The following ATP1B1 variants were observed in gnomAD, a reference collection of about 807,000 sequenced individuals.
The protein encoded by ATP1B1 is sodium/potassium-transporting ATPase subunit beta-1.
A neutral mutation model predicts 39.6 loss-of-function variants in ATP1B1; 3 were observed. The ratio of observed to expected loss-of-function variants is 0.08; its 90% CI spans 0.03 to 0.20. The LOEUF (loss-of-function observed/expected upper bound fraction) is 0.20, where lower values mean the gene tolerates loss of function less well. ATP1B1 is among the 10% of genes least tolerant of loss of function. The pLI, the probability that ATP1B1 is intolerant of heterozygous loss-of-function variation, is 1.00. For missense variants in ATP1B1, 216 were observed against 371.1 expected (o/e 0.58, Z 3.43); for synonymous variants, 139 against 135.0 (o/e 1.03, Z -0.20).
At chr1:169,121,711 G>A (rs1211108622) in intron 2 of ATP1B1, among the ~76,000 whole-genome samples, 1 of 152,148 alleles carries the variant, frequency 6.6e-6, no homozygotes, top group Non-Finnish European at 1.5e-5. Flanking sequence ...CACTTGCTTC[G>A]CAATCCAGGT....
chr1:169,129,068 A>G (rs537486635), intron 4 of ATP1B1, among the ~76,000 whole-genome samples: 75 of 152,340 alleles, frequency 4.9e-4, no homozygotes, highest in Middle Eastern at 6.8e-3. Context: ...TTTTCTCTAC[A>G]TATTTTTAAA....
chr1:169,109,556 G>T (rs1367962601), intron 1 of ATP1B1, among the ~76,000 whole-genome samples: 1 of 152,180 alleles, frequency 6.6e-6, no homozygotes, highest in Non-Finnish European at 1.5e-5. Context: ...TATCGTGTGG[G>T]CAGAATAGAA....
intron 2 of ATP1B1, among the ~76,000 whole-genome samples, chr1:169,119,525 C>CT (rs1367867125): frequency 6.6e-6 from 1 of 152,144 alleles, no homozygotes; most frequent in Admixed American, 6.5e-5. Context: ...TAACTAACAA[C>CT]TTTAAGAAGT....
intron 2 of ATP1B1, among the ~76,000 whole-genome samples, chr1:169,123,470 C>T (rs1307561485): frequency 6.6e-6 from 1 of 151,848 alleles, no homozygotes; most frequent in African/African-American, 2.4e-5. Context: ...TTATGGGCCC[C>T]ACACAGAGAG....
At chr1:169,110,778 G>T in intron 1 of ATP1B1, 1 of 945,150 alleles carries the variant, frequency 1.1e-6, no homozygotes, top group Non-Finnish European at 1.4e-6. Flanking sequence ...AGTGTGCTTT[G>T]TTGATAATAC....
At chr1:169,124,093 C>T (rs1302653710) in intron 2 of ATP1B1, among the ~76,000 whole-genome samples, 1 of 152,212 alleles carries the variant, frequency 6.6e-6, no homozygotes, top group Non-Finnish European at 1.5e-5. Context: ...ACTTTTCCAA[C>T]CATTGCTCCT....
In ATP1B1 at chr1:169,132,019, ATTTTTTT is replaced by A. The variant is rs34447553; in HGVS notation, c.*480_*486del. ...CAACGGGAATAAAACTGGCATGGTA[ATTTTTTT>A]TTTTTTTTTTTTTTTGTTTTTTGGC... On this transcript the variant is annotated 3_prime_UTR_variant, in exon 6 of 6. Coordinates refer to ENST00000367815, the MANE Select transcript of ATP1B1 (RefSeq NM_001677.4). 6 of 190,948 alleles carry A rather than the reference ATTTTTTT, an allele frequency of 3.1e-5. No individual in the cohort carries two copies. The highest frequency in any genetic ancestry group is 1.0e-4 in the South Asian group (2 of 19,130). The allele number at this position is 190,948 out of a possible 1,614,324, so 11.8% of individuals were successfully genotyped here. A position where few individuals can be genotyped will look rare whatever the true frequency, so the allele number is the denominator to read the frequency against.
intron 2 of ATP1B1, among the ~76,000 whole-genome samples, chr1:169,121,461 G>A (rs150435796): frequency 1.2e-3 from 185 of 152,278 alleles, no homozygotes; most frequent in African/African-American, 4.1e-3. Flanking sequence ...AGTGGAAACC[G>A]TGGACTTGAC....
intron 2 of ATP1B1, among the ~76,000 whole-genome samples, chr1:169,112,838 C>T (rs982384574): frequency 2.0e-5 from 3 of 152,088 alleles, no homozygotes; most frequent in Admixed American, 6.5e-5. Context: ...CTGTTTTCCA[C>T]AAGAGGTGGG....
At chr1:169,122,770 T>TTTTTTTTTTTA (rs71121722) in intron 2 of ATP1B1, among the ~76,000 whole-genome samples, 5 of 101,344 alleles carry the variant, frequency 4.9e-5, no homozygotes, top group African/African-American at 1.0e-4. Flanking sequence ...TTTTTTTTTT[T>TTTTTTTTTTTA]AATTGCGATA....
In ATP1B1 at chr1:169,127,510, G is replaced by A. The variant is rs538814525; in HGVS notation, c.567+102G>A. Reference sequence around the variant, plus strand: ...AAGATAGTTTTAAAGTATACTCAGTGCTGACTTTGAAACGTAGCCAGTAGA... The same window carrying A: ...AAGATAGTTTTAAAGTATACTCAGTACTGACTTTGAAACGTAGCCAGTAGA... On this transcript the variant is annotated intron_variant, in intron 4 of 5. Transcript: ENST00000367815. 3 of 1,303,542 alleles carry A rather than the reference G, an allele frequency of 2.3e-6. No homozygotes were observed. The African/African-American group carries it at 4.7e-5, about 20-fold the overall frequency. 80.7% of individuals were successfully genotyped at this position (1,303,542 alleles called of 1,614,324 possible).
rs76271197 is a variant in ATP1B1 at position 169,116,142 on chromosome 1, G to A, written c.226+4644G>A. Reference sequence around the variant, plus strand: ...ACTCAGGCTACCAAGCCCTGGCCCTGATTTGACCCTGCTTGCCTTGCTGCC... The same window carrying A: ...ACTCAGGCTACCAAGCCCTGGCCCTAATTTGACCCTGCTTGCCTTGCTGCC... On this transcript the variant is annotated intron_variant, in intron 2 of 5. Coordinates refer to ENST00000367815, the MANE Select transcript of ATP1B1 (RefSeq NM_001677.4). Among the ~76,000 whole-genome samples the A allele has an allele frequency of 3.8e-3, 581 of 152,366 alleles. 4 individuals are homozygous for A. The highest frequency in any genetic ancestry group is 4.6e-3 in the Non-Finnish European group (310 of 68,032).
intron 3 of ATP1B1, among the ~76,000 whole-genome samples, chr1:169,125,949 T>C (rs1240680500): frequency 1.3e-5 from 2 of 152,192 alleles, no homozygotes; most frequent in African/African-American, 4.8e-5. Flanking sequence ...CACTCCAGCC[T>C]GGGCACCAGT....
At position 169,132,042 on chromosome 1, in the gene ATP1B1, G is replaced by GCTC; in HGVS notation, c.*487_*488insCTC. On this transcript the variant is annotated 3_prime_UTR_variant, in exon 6 of 6. Transcript: ENST00000367815. ...TAATTTTTTTTTTTTTTTTTTTTTT[G>GCTC]TTTTTTGGCTCTTTCAAAGGTAATG... is the stretch of plus-strand genomic sequence containing the variant. 9.3e-6 allele frequency: 1 copy of GCTC among 107,388 alleles called. No homozygotes were observed. The highest frequency in any genetic ancestry group is 1.8e-5 in the Non-Finnish European group (1 of 55,092). 6.7% of individuals were successfully genotyped at this position (107,388 alleles called of 1,614,324 possible).
intron 2 of ATP1B1, among the ~76,000 whole-genome samples, chr1:169,121,719 G>C (rs1403202536): frequency 6.6e-6 from 1 of 152,152 alleles, no homozygotes; most frequent in African/African-American, 2.4e-5. Flanking sequence ...TCGCAATCCA[G>C]GTTTTACCAT....
chr1:169,130,779 CAAAAAAAAA>C (rs57542049), intron 5 of ATP1B1, among the ~76,000 whole-genome samples: 3 of 73,992 alleles, frequency 4.1e-5, no homozygotes, highest in Admixed American at 1.8e-4. Flanking sequence ...AAGACTATCT[CAAAAAAAAA>C]AAAAAAAAAA....
intron 1 of ATP1B1, chr1:169,110,804 T>G (rs532500046): frequency 4.4e-6 from 3 of 682,266 alleles, no homozygotes; most frequent in African/African-American, 2.0e-5. Flanking sequence ...AAAGGGAGAG[T>G]GATAGTAAAA....
At chr1:169,108,555 C>T (rs1657654968) in intron 1 of ATP1B1, among the ~76,000 whole-genome samples, 1 of 152,116 alleles carries the variant, frequency 6.6e-6, no homozygotes, top group Admixed American at 6.5e-5. Flanking sequence ...GTGAAATTTG[C>T]CTTCTTGTCT....
At chr1:169,128,713 G>A (rs1047659631) in intron 4 of ATP1B1, among the ~76,000 whole-genome samples, 7 of 152,204 alleles carry the variant, frequency 4.6e-5, no homozygotes, top group Non-Finnish European at 1.0e-4. Flanking sequence ...ATGGCCAAGA[G>A]AAGACTCATC....
Sources: gnomAD v4.1 joint callset for allele counts (sites outside exome capture counted in the v4.1 genomes callset) on GRCh38, gnomAD v4.1.1 for gene constraint, MANE v1.5 for transcripts, NCBI Gene and HGNC (gene_info 2026-07-23, HGNC 2026-07-21) for gene names.